Variants in ZFYVE28 observed in about 807,000 individuals in gnomAD.
ZFYVE28 encodes lateral signaling target protein 2 homolog.
Under a neutral mutation model 82.1 loss-of-function variants are expected in ZFYVE28, and 40 were observed. The ratio of observed to expected loss-of-function variants is 0.49; its 90% confidence interval spans 0.38 to 0.63. The LOEUF (loss-of-function observed/expected upper bound fraction) is 0.63. Ranked by LOEUF, ZFYVE28 falls within the 30% of genes least tolerant of loss-of-function variation. The pLI, the probability that ZFYVE28 is intolerant of heterozygous loss-of-function variation, is 0.00. For synonymous variants in ZFYVE28, 612 were observed against 546.1 expected, an observed-to-expected ratio of 1.12 and a Z score of -1.68; for missense variants, 1,321 against 1,242.1, an observed-to-expected ratio of 1.06 and a Z score of -0.96.
intron 2 of ZFYVE28, among the ~76,000 whole-genome samples, chr4:2,347,427 A>T (rs746450360): frequency 7.9e-5 from 12 of 152,216 alleles, no homozygotes; most frequent in Non-Finnish European, 1.5e-4. Flanking sequence ...TATGGTTGAC[A>T]TTTACAGAAC....
At chr4:2,337,877 T>TACACACACACACACACACACACACACAC (rs57325124) in intron 4 of ZFYVE28, among the ~76,000 whole-genome samples, 1 of 150,974 alleles carries the variant, frequency 6.6e-6, no homozygotes, top group Non-Finnish European at 1.5e-5. Flanking sequence ...TCTCTTAAAA[T>TACACACACACACACACACACACACACAC]ACACACACAC....
chr4:2,361,356 C>A (rs560262372), intron 1 of ZFYVE28, among the ~76,000 whole-genome samples: 3 of 152,228 alleles, frequency 2.0e-5, no homozygotes, highest in Non-Finnish European at 4.4e-5. Flanking sequence ...AGCCCCTGGT[C>A]CCTAATGTGA....
intron 2 of ZFYVE28, among the ~76,000 whole-genome samples, chr4:2,352,203 G>A (rs930671538): frequency 1.3e-5 from 2 of 152,198 alleles, no homozygotes; most frequent in African/African-American, 4.8e-5. Context: ...GGTGGGCCCT[G>A]TGAGATGCCC....
intron 8 of ZFYVE28, among the ~76,000 whole-genome samples, chr4:2,293,378 C>G (rs1241419655): frequency 1.3e-5 from 2 of 151,482 alleles, no homozygotes; most frequent in African/African-American, 2.5e-5. Flanking sequence ...ACAAGATCAT[C>G]TATGTAGGAA....
chr4:2,413,264 A>G (rs187818526), intron 1 of ZFYVE28, among the ~76,000 whole-genome samples: 15 of 152,384 alleles, frequency 9.8e-5, no homozygotes, highest in Non-Finnish European at 2.1e-4. Flanking sequence ...AGTAGGTTCT[A>G]CAAAGCCACC....
intron 1 of ZFYVE28, among the ~76,000 whole-genome samples, chr4:2,380,956 C>T (rs933701246): frequency 2.6e-5 from 4 of 152,140 alleles, no homozygotes; most frequent in African/African-American, 9.6e-5. Context: ...TGGGGTATTG[C>T]TGAAAAGATA....
intron 7 of ZFYVE28, among the ~76,000 whole-genome samples, chr4:2,318,295 C>T (rs1056180415): frequency 6.6e-6 from 1 of 152,194 alleles, no homozygotes; most frequent in Non-Finnish European, 1.5e-5. Flanking sequence ...CAGTGGCTCA[C>T]GCCTGTAATC....
intron 5 of ZFYVE28, among the ~76,000 whole-genome samples, chr4:2,336,821 T>TGAGGAGGTGAGGAGGTGGGGAAG (rs1721821754): frequency 1.8e-5 from 1 of 55,088 alleles, no homozygotes; most frequent in African/African-American, 7.0e-5. Context: ...GAGGTGTGGA[T>TGAGGAGGTGAGGAGGTGGGGAAG]TGAGGAGGTG....
At chr4:2,380,402 G>A (rs1441559338) in intron 1 of ZFYVE28, among the ~76,000 whole-genome samples, 4 of 152,222 alleles carry the variant, frequency 2.6e-5, no homozygotes, top group Non-Finnish European at 5.9e-5. Context: ...AACAACTGCC[G>A]AGTTATCGGC....
intron 10 of ZFYVE28, among the ~76,000 whole-genome samples, chr4:2,272,796 G>T (rs1258043767): frequency 1.3e-5 from 2 of 152,356 alleles, no homozygotes; most frequent in East Asian, 3.9e-4. Context: ...GGGAGGGTTT[G>T]GGTTCTCCCA....
intron 10 of ZFYVE28, 125 bp downstream of exon 10, chr4:2,273,048 C>T (rs563069490): frequency 1.1e-4 from 88 of 770,256 alleles, no homozygotes; most frequent in African/African-American, 4.2e-4. Flanking sequence ...CTGGGGTCGA[C>T]GATTGCTTGG....
intron 1 of ZFYVE28, among the ~76,000 whole-genome samples, chr4:2,383,760 G>A (rs1023527038): frequency 3.9e-5 from 6 of 152,208 alleles, no homozygotes; most frequent in African/African-American, 1.2e-4. Flanking sequence ...GGATTTTCCA[G>A]CAGGCCTTCC....
intron 1 of ZFYVE28, among the ~76,000 whole-genome samples, chr4:2,402,886 CCCT>C (rs1318180612): frequency 2.6e-5 from 4 of 152,150 alleles, no homozygotes; most frequent in African/African-American, 9.7e-5. Flanking sequence ...CCACCAAGGC[CCCT>C]CCTCCTAGCT....
intron 5 of ZFYVE28, among the ~76,000 whole-genome samples, chr4:2,336,162 G>A (rs977333366): frequency 3.3e-5 from 5 of 152,130 alleles, no homozygotes; most frequent in South Asian, 2.1e-4. Context: ...AAACAACTCC[G>A]GTGTCAAGAA....
rs935575910 is a variant in ZFYVE28, at chr4:2,359,136, G to C, written c.40-5063C>G. Among the ~76,000 whole-genome samples the C allele has an allele frequency of 2.6e-5, 4 of 151,436 alleles. No homozygotes were observed. The South Asian group carries it at 8.3e-4, about 32-fold the overall frequency. On this transcript the variant is annotated intron_variant, in intron 1 of 12. Transcript: ENST00000290974. Reference sequence around the variant, plus strand: ...ACTACAGGCGCCCACCACCAGGCCCGGCTAATTTTTTTTTTTTTGTATTTT... The same window carrying C: ...ACTACAGGCGCCCACCACCAGGCCCCGCTAATTTTTTTTTTTTTGTATTTT...
intron 1 of ZFYVE28, among the ~76,000 whole-genome samples, chr4:2,355,717 A>G (rs1725213441): frequency 6.6e-6 from 1 of 152,146 alleles, no homozygotes; most frequent in African/African-American, 2.4e-5. Context: ...AGCTGAGACT[A>G]TAGGCACACA....
chr4:2,354,198 G>T, intron 1 of ZFYVE28, 125 bp from the exon 2 acceptor site: 1 of 1,116,542 alleles, frequency 9.0e-7, no homozygotes. Flanking sequence ...GCAGCAGCCG[G>T]CTCTTTTATC....
chr4:2,379,832 G>C (rs1194492263), intron 1 of ZFYVE28, among the ~76,000 whole-genome samples: 3 of 151,420 alleles, frequency 2.0e-5, no homozygotes, highest in Non-Finnish European at 2.9e-5. Context: ...CTGTCACCCA[G>C]GCTGGAGTGC....
In ZFYVE28 at chr4:2,341,407, C is replaced by T; in HGVS notation, c.318+71G>A. On this transcript the variant is annotated intron_variant, in intron 3 of 12. Coordinates refer to ENST00000290974, the MANE Select transcript of ZFYVE28 (RefSeq NM_020972.3). This position sits in a 1 kb window ranked among gnomAD's most constrained non-coding sequence, Gnocchi z 4.5. Reference sequence around the variant, plus strand: ...CCCGGCACCTGCAGGCGCCCATGCACAAGGTTCGCAGGGACTTGGCTAGAC... The same window carrying T: ...CCCGGCACCTGCAGGCGCCCATGCATAAGGTTCGCAGGGACTTGGCTAGAC... 1 of 1,583,634 alleles carries T rather than the reference C, an allele frequency of 6.3e-7. No homozygotes were observed. Among genetic ancestry groups the T allele is most frequent in the Non-Finnish European group, 8.6e-7 (1 of 1,165,164 alleles).
Sources: allele counts gnomAD v4.1 joint callset (sites outside exome capture counted in the v4.1 genomes callset), GRCh38; gene constraint gnomAD v4.1.1; non-coding constraint Gnocchi (gnomAD v3.1); transcripts MANE v1.5; gene names NCBI Gene and HGNC (gene_info 2026-07-23, HGNC 2026-07-21).